Variants in BABAM2 observed in about 807,000 individuals in gnomAD.
BABAM2 encodes BRISC and BRCA1-A complex member 2.
In BABAM2, 31 loss-of-function variants were observed where a neutral mutation model predicts 54.7. The ratio of observed to expected loss-of-function variants is 0.57; its 90% CI spans 0.43 to 0.77. The LOEUF (loss-of-function observed/expected upper bound fraction) is 0.77, where lower values mean the gene tolerates loss of function less well. Ranked by LOEUF, BABAM2 falls within the 30% of genes least tolerant of loss-of-function variation. The pLI is 0.00. For missense variants in BABAM2, 364 were observed against 455.8 expected, an observed-to-expected ratio of 0.80 and a Z score of 1.83; for synonymous variants, 167 against 162.9, an observed-to-expected ratio of 1.03 and a Z score of -0.19.
intron 3 of BABAM2, among the ~76,000 whole-genome samples, chr2:27,974,594 T>A (rs1001014307): frequency 6.6e-6 from 1 of 152,052 alleles, no homozygotes; most frequent in African/African-American, 2.4e-5. Context: ...TAAAAGGGAA[T>A]TTCCTCAGCC....
At chr2:28,059,235 C>T (rs1678673823) in intron 6 of BABAM2, among the ~76,000 whole-genome samples, 1 of 152,142 alleles carries the variant, frequency 6.6e-6, no homozygotes, top group Admixed American at 6.6e-5. Flanking sequence ...TTTAACAGTA[C>T]ACACATACCT....
chr2:28,153,805 C>T lies in BABAM2; in HGVS notation c.680+24425C>T, dbSNP rs146495639. ...CACACTAAACTTTAGGAATATCTGT[C>T]TTGAAGTTGGTTAAGTACTGATTTA... is the stretch of plus-strand genomic sequence containing the variant. On this transcript the variant is annotated intron_variant, in intron 7 of 11. Transcript: ENST00000379624. Among the ~76,000 whole-genome samples the T allele has an allele frequency of 3.1e-3, 467 of 152,290 alleles. 6 individuals carry two copies. The highest frequency in any genetic ancestry group is 0.011 in the African/African-American group (439 of 41,550).
chr2:28,240,665 T>C (rs901137354), intron 8 of BABAM2, among the ~76,000 whole-genome samples: 1 of 151,308 alleles, frequency 6.6e-6, no homozygotes, highest in Non-Finnish European at 1.5e-5. Context: ...AAGTCAGGAG[T>C]TCGAGACCAG....
At chr2:28,238,683 G>C (rs1259233963) in intron 8 of BABAM2, among the ~76,000 whole-genome samples, 3 of 152,114 alleles carry the variant, frequency 2.0e-5, no homozygotes, top group Non-Finnish European at 4.4e-5. Flanking sequence ...ACTGATCGGA[G>C]GACAGAATTC....
intron 3 of BABAM2, among the ~76,000 whole-genome samples, chr2:27,960,587 G>A (rs1210455183): frequency 6.6e-6 from 1 of 152,118 alleles, no homozygotes; most frequent in Non-Finnish European, 1.5e-5. Context: ...GAATTAGAAA[G>A]AAATATTTAC....
At chr2:28,245,003 T>A in intron 10 of BABAM2, 141 bp downstream of exon 10, 1 of 668,046 alleles carries the variant, frequency 1.5e-6, no homozygotes, top group Non-Finnish European at 2.3e-6. Context: ...TGTGGGATAT[T>A]AAGGAGAAAA....
intron 3 of BABAM2, among the ~76,000 whole-genome samples, chr2:27,948,736 A>G (rs1475028293): frequency 6.6e-6 from 1 of 152,108 alleles, no homozygotes; most frequent in Non-Finnish European, 1.5e-5. Flanking sequence ...ACGCCACTGC[A>G]CTCCAGCCTG....
At chr2:28,054,735 G>GT (rs971276015) in intron 6 of BABAM2, among the ~76,000 whole-genome samples, 1 of 152,130 alleles carries the variant, frequency 6.6e-6, no homozygotes, top group African/African-American at 2.4e-5. Context: ...ACAACTCTCT[G>GT]TTTTTTACAC....
At chr2:27,916,250 T>C (rs1666957814) in intron 2 of BABAM2, among the ~76,000 whole-genome samples, 1 of 151,598 alleles carries the variant, frequency 6.6e-6, no homozygotes, top group South Asian at 2.1e-4. Context: ...ATTTAGGACA[T>C]GTTTTGGATC....
chr2:28,047,598 A>T (rs1441709887), intron 6 of BABAM2, among the ~76,000 whole-genome samples: 2 of 152,166 alleles, frequency 1.3e-5, no homozygotes, highest in Non-Finnish European at 2.9e-5. Context: ...TCAAATTATC[A>T]TATTTTTATT....
At chr2:27,905,961 A>G (rs1403059245) in intron 2 of BABAM2, among the ~76,000 whole-genome samples, 3 of 152,260 alleles carry the variant, frequency 2.0e-5, no homozygotes, top group African/African-American at 7.2e-5. Context: ...TTTAGCAGAT[A>G]GAACTTAAGA....
At chr2:27,989,797 CT>C (rs1377844916) in intron 4 of BABAM2, among the ~76,000 whole-genome samples, 1 of 151,106 alleles carries the variant, frequency 6.6e-6, no homozygotes, top group Non-Finnish European at 1.5e-5. Context: ...TTTACAACTT[CT>C]TTTTTTTTGA....
At chr2:27,972,309 G>A (rs1482874033) in intron 3 of BABAM2, among the ~76,000 whole-genome samples, 1 of 152,212 alleles carries the variant, frequency 6.6e-6, no homozygotes, top group Non-Finnish European at 1.5e-5. Flanking sequence ...ACTAGTGTTA[G>A]TGGGTAAAAG....
intron 7 of BABAM2, among the ~76,000 whole-genome samples, chr2:28,212,959 C>A (rs1487370604): frequency 1.3e-5 from 2 of 152,154 alleles, no homozygotes; most frequent in Non-Finnish European, 2.9e-5. Flanking sequence ...TGGCTCACAC[C>A]TGTAATCCCA....
intron 7 of BABAM2, among the ~76,000 whole-genome samples, chr2:28,160,059 G>A (rs1573714536): frequency 6.6e-6 from 1 of 152,110 alleles, no homozygotes; most frequent in Non-Finnish European, 1.5e-5. Flanking sequence ...ATAGCTCACT[G>A]TAACCACAAA....
intron 6 of BABAM2, among the ~76,000 whole-genome samples, chr2:28,057,306 A>G (rs1478675290): frequency 6.6e-6 from 1 of 152,254 alleles, no homozygotes; most frequent in Non-Finnish European, 1.5e-5. Context: ...AGCTTTAAGC[A>G]GTTGGTTTTC....
At chr2:27,908,560 CTG>C (rs1350496395) in intron 2 of BABAM2, among the ~76,000 whole-genome samples, 2 of 152,202 alleles carry the variant, frequency 1.3e-5, no homozygotes, top group Non-Finnish European at 2.9e-5. Flanking sequence ...GCGTGAGCCT[CTG>C]TGCTCGGCCC....
At chr2:27,994,761 TTCTTGTACATG>T (rs1330174786) in intron 4 of BABAM2, among the ~76,000 whole-genome samples, 2 of 152,222 alleles carry the variant, frequency 1.3e-5, no homozygotes, top group Non-Finnish European at 2.9e-5. Flanking sequence ...ACTGTGAACA[TTCTTGTACATG>T]TCTTGGTTAA....
At chr2:28,132,084 A>T (rs1670124463) in intron 7 of BABAM2, among the ~76,000 whole-genome samples, 1 of 151,822 alleles carries the variant, frequency 6.6e-6, no homozygotes, top group South Asian at 2.1e-4. Context: ...TCATTTTTCC[A>T]ATCTCCAAAG....
Sources: allele counts gnomAD v4.1 joint callset (sites outside exome capture counted in the v4.1 genomes callset), GRCh38; gene constraint gnomAD v4.1.1; transcripts MANE v1.5; gene names NCBI Gene and HGNC (gene_info 2026-07-23, HGNC 2026-07-21).